NUP155: variants seen among roughly 807,000 people sequenced by gnomAD.
NUP155 encodes the protein nuclear pore complex protein Nup155.
In NUP155, 71 loss-of-function variants were observed where a neutral mutation model predicts 180.4. The observed-to-expected ratio is 0.39, with a 90% CI of 0.33 to 0.48. NUP155 has a LOEUF of 0.48. Among genes scored for constraint, NUP155 ranks in the 20% least tolerant of loss-of-function variants. The probability of loss-of-function intolerance (pLI) is 0.91; values close to 1 mark genes in which losing one functional copy is unlikely to be tolerated. For synonymous variants in NUP155, 582 were observed against 559.5 expected, an observed-to-expected ratio of 1.04 and a Z score of -0.57; for missense variants, 1,553 against 1,648.9, an observed-to-expected ratio of 0.94 and a Z score of 1.01.
intron 24 of NUP155, among the ~76,000 whole-genome samples, chr5:37,307,812 C>T (rs190547854): frequency 6.6e-6 from 1 of 151,648 alleles, no homozygotes; most frequent in African/African-American, 2.4e-5. Context: ...ATCCCAGCTA[C>T]TCAAAAGGCT....
At chr5:37,305,589 C>T (rs997102865) in intron 25 of NUP155, among the ~76,000 whole-genome samples, 6 of 151,972 alleles carry the variant, frequency 3.9e-5, no homozygotes, top group Non-Finnish European at 7.4e-5. Flanking sequence ...GAGTGAGGCA[C>T]AAGAATTGCT....
intron 32 of NUP155, among the ~76,000 whole-genome samples, chr5:37,295,898 G>A (rs1244108470): frequency 4.2e-5 from 6 of 142,406 alleles, no homozygotes; most frequent in African/African-American, 8.2e-5. Flanking sequence ...CCCCCGCCTG[G>A]CCAGCCGCCC....
At chr5:37,334,918 G>T (rs924344434) in intron 12 of NUP155, among the ~76,000 whole-genome samples, 1 of 152,012 alleles carries the variant, frequency 6.6e-6, no homozygotes, top group African/African-American at 2.4e-5. Context: ...CCAGCACTTT[G>T]GGAGGTGGAG....
At chr5:37,332,313 C>CTTTTTTTTTTTTTTTTTTTTTTTT (rs1021002313) in intron 13 of NUP155, among the ~76,000 whole-genome samples, 1 of 87,728 alleles carries the variant, frequency 1.1e-5, no homozygotes, top group Non-Finnish European at 2.1e-5. Context: ...GCCATTACAG[C>CTTTTTTTTTTTTTTTTTTTTTTTT]TTTTTTTTTT....
At chr5:37,347,083 C>A (rs1248185979) in intron 9 of NUP155, among the ~76,000 whole-genome samples, 1 of 151,986 alleles carries the variant, frequency 6.6e-6, no homozygotes, top group African/African-American at 2.4e-5. Context: ...GAAAAATTCG[C>A]CAGGTGTGGT....
chr5:37,302,746 A>G (rs1225223732), intron 29 of NUP155, 33 bp downstream of exon 29: 2 of 1,612,124 alleles, frequency 1.2e-6, no homozygotes, highest in South Asian at 1.1e-5. Flanking sequence ...CTAGTACTCA[A>G]TGTGGACACA....
intron 14 of NUP155, among the ~76,000 whole-genome samples, chr5:37,330,480 G>A (rs966210730): frequency 9.9e-5 from 15 of 152,148 alleles, no homozygotes; most frequent in African/African-American, 3.4e-4. Flanking sequence ...ACTATTTTAA[G>A]AGTTTAGCAT....
At position 37,328,483 on chromosome 5, in the gene NUP155, C is replaced by A; in HGVS notation, c.1814-63G>T. 12 of 1,217,462 alleles carry A rather than the reference C, an allele frequency of 9.9e-6. No homozygotes were observed. In the South Asian group the frequency reaches 1.5e-4, roughly 15 times the overall value. 75.4% of individuals were successfully genotyped at this position (1,217,462 alleles called of 1,614,324 possible). A position where few individuals can be genotyped will look rare whatever the true frequency, so the allele number is the denominator to read the frequency against. On this transcript the variant is annotated intron_variant, in intron 16 of 34. Coordinates refer to ENST00000231498, the MANE Select transcript of NUP155 (RefSeq NM_153485.3). ...AACATCTCAATCTTTTGAATGTGAT[C>A]AAAATTAGGTAAAGAAGGTATTTCC...
intron 23 of NUP155, among the ~76,000 whole-genome samples, chr5:37,310,199 G>A (rs1297701983): frequency 1.3e-5 from 2 of 152,050 alleles, no homozygotes; most frequent in Non-Finnish European, 2.9e-5. Flanking sequence ...TTGGCTGGGT[G>A]TAGTGGTGCA....
chr5:37,293,276 A>ATCTTTCTT (rs1742330482), intron 33 of NUP155: 3 of 302,200 alleles, frequency 9.9e-6, no homozygotes, highest in African/African-American at 2.2e-5. Context: ...TAAGAGAAAA[A>ATCTTTCTT]TCTTTCTTTC....
intron 27 of NUP155, among the ~76,000 whole-genome samples, chr5:37,304,032 G>A (rs1743009778): frequency 6.6e-6 from 1 of 151,994 alleles, no homozygotes; most frequent in African/African-American, 2.4e-5. Flanking sequence ...CAGATCACCT[G>A]AGCTCAGGAG....
chr5:37,291,259 T>C lies in NUP155; in HGVS notation c.*641A>G, dbSNP rs1291671318. ...GCCTATTTGAGGTTTTTTTGTTTTT[T>C]GAGACAGAGTCTCGCCCTGTTGCCT... On this transcript the variant is annotated 3_prime_UTR_variant, in exon 35 of 35. Transcript: ENST00000231498. 1 of 152,372 alleles carries C rather than the reference T, an allele frequency of 6.6e-6. No homozygotes were observed. The allele number at this position is 152,372 out of a possible 1,614,324, so 9.4% of individuals were successfully genotyped here. A position where few individuals can be genotyped will look rare whatever the true frequency, so the allele number is the denominator to read the frequency against.
At chr5:37,329,344 T>C in intron 15 of NUP155, 66 bp from the exon 16 acceptor site, 1 of 1,289,804 alleles carries the variant, frequency 7.8e-7, no homozygotes, top group East Asian at 2.3e-5. Flanking sequence ...AAACTGGAAT[T>C]GTTCCTTTTC....
rs750864594 is a variant in NUP155 at position 37,327,784 on chromosome 5, A to C, written c.1877-8T>G. ...TGGCAGGAGGCTGTATACCTTGTAC[A>C]CACATAAGAAAAACAAATCTCTTAA... On this transcript the variant is annotated splice_region_variant and splice_polypyrimidine_tract_variant and intron_variant, in intron 17 of 34. Coordinates refer to ENST00000231498, the MANE Select transcript of NUP155 (RefSeq NM_153485.3). 6.2e-7 allele frequency: 1 copy of C among 1,613,892 alleles called. No homozygotes were observed. The highest frequency in any genetic ancestry group is 8.5e-7 in the Non-Finnish European group (1 of 1,179,906).
chr5:37,337,955 T>C, intron 11 of NUP155, 37 bp from the exon 12 acceptor site: 2 of 1,175,710 alleles, frequency 1.7e-6, no homozygotes, highest in Non-Finnish European at 2.5e-6. Flanking sequence ...TTACATCATG[T>C]CAAATATGCA....
intron 3 of NUP155, among the ~76,000 whole-genome samples, chr5:37,360,656 C>G (rs1400524141): frequency 6.6e-6 from 1 of 151,612 alleles, no homozygotes; most frequent in Non-Finnish European, 1.5e-5. Context: ...TGTGGTGGTG[C>G]ATGCCTATAA....
At chr5:37,309,042 G>C in intron 24 of NUP155, 87 bp downstream of exon 24, 1 of 1,391,674 alleles carries the variant, frequency 7.2e-7, no homozygotes, top group East Asian at 2.3e-5. Context: ...CTGGAAAGTG[G>C]CTTTTCATCA....
chr5:37,297,115 A>T (rs1381013744), intron 32 of NUP155, among the ~76,000 whole-genome samples: 1 of 152,144 alleles, frequency 6.6e-6, no homozygotes, highest in Non-Finnish European at 1.5e-5. Context: ...TATATATATA[A>T]GTAAAACATA....
rs1742214383 is a variant in NUP155 at position 37,291,151 on chromosome 5, C to G, written c.*749G>C. Reference sequence around the variant, plus strand: ...GTTCTTTCAAGGGTGAACCCAACACCTAAAAAAAGTTTTGAAAAAGTCAGT... The same window carrying G: ...GTTCTTTCAAGGGTGAACCCAACACGTAAAAAAAGTTTTGAAAAAGTCAGT... On this transcript the variant is annotated 3_prime_UTR_variant, in exon 35 of 35. Transcript: ENST00000231498. 6.6e-6 allele frequency: 1 copy of G among 152,162 alleles called. No individual in the cohort carries two copies. The highest frequency in any genetic ancestry group is 1.5e-5 in the Non-Finnish European group (1 of 68,038). The allele number at this position is 152,162 out of a possible 1,614,324, so 9.4% of individuals were successfully genotyped here.
Sources: allele counts gnomAD v4.1 joint callset (sites outside exome capture counted in the v4.1 genomes callset), GRCh38; gene constraint gnomAD v4.1.1; transcripts MANE v1.5; gene names NCBI Gene and HGNC (gene_info 2026-07-23, HGNC 2026-07-21).